The following RTN1 variants were observed in gnomAD, a reference collection of about 807,000 sequenced individuals.
RTN1 encodes reticulon-1.
RTN1 carries 25 observed loss-of-function variants against 65.5 expected under a neutral mutation model. The observed-to-expected ratio is 0.38, with a 90% CI of 0.28 to 0.53. The LOEUF is 0.53. Among genes scored for constraint, RTN1 ranks in the 20% least tolerant of loss-of-function variants. RTN1 has a pLI of 0.79. For synonymous variants in RTN1, 471 were observed against 447.6 expected, an observed-to-expected ratio of 1.05 and a Z score of -0.66; for missense variants, 983 against 1,025.4, an observed-to-expected ratio of 0.96 and a Z score of 0.57.
intron 3 of RTN1, among the ~76,000 whole-genome samples, chr14:59,684,967 T>C (rs556902484): frequency 1.3e-5 from 2 of 152,250 alleles, no homozygotes; most frequent in Admixed American, 1.3e-4. Flanking sequence ...TTTTAAAAAG[T>C]AACTTTATCC....
intron 5 of RTN1, 185 bp from the exon 6 acceptor site, chr14:59,604,106 A>G: frequency 2.4e-6 from 1 of 418,106 alleles, no homozygotes; most frequent in Non-Finnish European, 4.5e-6. Flanking sequence ...GTTCTCTTGG[A>G]ACTATTTGGA....
At chr14:59,671,465 C>T (rs1405601372) in intron 3 of RTN1, among the ~76,000 whole-genome samples, 1 of 152,174 alleles carries the variant, frequency 6.6e-6, no homozygotes, top group Non-Finnish European at 1.5e-5. Flanking sequence ...TACCAACAAT[C>T]GCACATATTA....
chr14:59,757,476 G>A (rs745795158), intron 1 of RTN1, among the ~76,000 whole-genome samples: 5 of 152,048 alleles, frequency 3.3e-5, no homozygotes, highest in African/African-American at 7.2e-5. Flanking sequence ...TTCGTCTTCC[G>A]CCATGATTGT....
At chr14:59,738,422 T>G (rs533377529) in intron 2 of RTN1, among the ~76,000 whole-genome samples, 5 of 152,292 alleles carry the variant, frequency 3.3e-5, no homozygotes, top group African/African-American at 1.2e-4. Flanking sequence ...CACTTATAAT[T>G]AGATAAATAT....
intron 4 of RTN1, chr14:59,605,765 GA>G: frequency 3.1e-6 from 1 of 326,682 alleles, no homozygotes; most frequent in East Asian, 5.2e-5. Context: ...TGGGTGGGCT[GA>G]AAATTCAGAG....
chr14:59,796,925 A>C (rs1162950793), intron 1 of RTN1, among the ~76,000 whole-genome samples: 1 of 152,206 alleles, frequency 6.6e-6, no homozygotes, highest in Non-Finnish European at 1.5e-5. Context: ...TGCCTCACAC[A>C]AAGTAGGGGT....
chr14:59,651,471 G>A (rs1293562338), intron 3 of RTN1, among the ~76,000 whole-genome samples: 3 of 152,042 alleles, frequency 2.0e-5, no homozygotes, highest in Admixed American at 1.3e-4. Context: ...CAAGACATAG[G>A]CATGGGGTCT....
At position 59,825,088 on chromosome 14, in the gene RTN1, T is replaced by C. The variant is rs1887007009; in HGVS notation, c.241+45302A>G. Among the ~76,000 whole-genome samples the C allele has an allele frequency of 6.6e-6, 1 of 152,248 alleles. No homozygotes were observed. The highest frequency in any genetic ancestry group is 2.4e-5 in the African/African-American group (1 of 41,466). ...TGTAAAGCATAGTGACTCCAGTTAATAATACTATAGCGTACACGTGAAATT... is the reference window on the plus strand; with the variant it reads ...TGTAAAGCATAGTGACTCCAGTTAACAATACTATAGCGTACACGTGAAATT... On this transcript the variant is annotated intron_variant, in intron 1 of 8. Coordinates refer to ENST00000267484, the MANE Select transcript of RTN1 (RefSeq NM_021136.3). The surrounding 1 kb of genome is among the most constrained non-coding windows in gnomAD (Gnocchi z 4.2).
intron 3 of RTN1, chr14:59,647,165 G>A (rs1033373851): frequency 6.6e-6 from 1 of 152,128 alleles, no homozygotes; most frequent in African/African-American, 2.4e-5. Context: ...CCCAATCTCA[G>A]ACAAACAGAC....
At chr14:59,701,625 T>A (rs562857275) in intron 3 of RTN1, among the ~76,000 whole-genome samples, 168 of 152,184 alleles carry the variant, frequency 1.1e-3, no homozygotes, top group African/African-American at 3.9e-3. Flanking sequence ...AAACTGTGTC[T>A]ATAATAGGCA....
At chr14:59,690,813 A>C (rs1883945296) in intron 3 of RTN1, among the ~76,000 whole-genome samples, 1 of 152,214 alleles carries the variant, frequency 6.6e-6, no homozygotes, top group African/African-American at 2.4e-5. Flanking sequence ...AACTGCATGG[A>C]AATTAAACAA....
At chr14:59,838,896 AATTTGTCTCTTCTTGT>A (rs1887262455) in intron 1 of RTN1, among the ~76,000 whole-genome samples, 1 of 152,138 alleles carries the variant, frequency 6.6e-6, no homozygotes, top group Non-Finnish European at 1.5e-5. Context: ...ATGTCCTATG[AATTTGTCTCTTCTTGT>A]TTTAAATATT....
At position 59,816,398 on chromosome 14, in the gene RTN1, T is replaced by C. The variant is rs531483371; in HGVS notation, c.241+53992A>G. On this transcript the variant is annotated intron_variant, in intron 1 of 8. Transcript: ENST00000267484. This position sits in a 1 kb window ranked among gnomAD's most constrained non-coding sequence, Gnocchi z 4.3. ...TTGACCATATGGTAACAAGGCTAAT[T>C]GCCTGCCTTCTCCAATCCTCGGAGA... Among the ~76,000 whole-genome samples the C allele has an allele frequency of 2.6e-4, 39 of 152,296 alleles. No individual in the cohort carries two copies. The highest frequency in any genetic ancestry group is 8.4e-4 in the African/African-American group (35 of 41,566).
chr14:59,823,168 T>G (rs1886972814), intron 1 of RTN1, among the ~76,000 whole-genome samples: 1 of 152,212 alleles, frequency 6.6e-6, no homozygotes, highest in Non-Finnish European at 1.5e-5. Context: ...TAAGAACCTG[T>G]CTTATGAATC....
chr14:59,772,737 T>G (rs1355045057), intron 1 of RTN1, among the ~76,000 whole-genome samples: 1 of 152,130 alleles, frequency 6.6e-6, no homozygotes, highest in Non-Finnish European at 1.5e-5. Context: ...CTTTATTGTT[T>G]AGCATCTAAG....
chr14:59,762,402 A>G (rs1885767604), intron 1 of RTN1, among the ~76,000 whole-genome samples: 1 of 152,214 alleles, frequency 6.6e-6, no homozygotes, highest in Admixed American at 6.5e-5. Flanking sequence ...ATGCTTTAAC[A>G]GTCTATAAGA....
At chr14:59,827,157 C>T (rs935031759) in intron 1 of RTN1, among the ~76,000 whole-genome samples, 1 of 152,124 alleles carries the variant, frequency 6.6e-6, no homozygotes, top group Admixed American at 6.5e-5. Flanking sequence ...CGGCTCACTG[C>T]GAGCTCTGTC....
intron 3 of RTN1, among the ~76,000 whole-genome samples, chr14:59,612,275 G>C (rs1282681426): frequency 6.6e-6 from 1 of 152,158 alleles, no homozygotes. Flanking sequence ...TAAAGTGGCT[G>C]GAACCCCACT....
intron 1 of RTN1, among the ~76,000 whole-genome samples, chr14:59,848,018 C>T (rs1382723112): frequency 6.6e-6 from 1 of 152,200 alleles, no homozygotes; most frequent in Non-Finnish European, 1.5e-5. Flanking sequence ...CTAAGCCCCA[C>T]TTCATTAGAG....
Sources: gnomAD v4.1 joint callset for allele counts (sites outside exome capture counted in the v4.1 genomes callset) on GRCh38, gnomAD v4.1.1 for gene constraint, Gnocchi (gnomAD v3.1) non-coding constraint, MANE v1.5 for transcripts, NCBI Gene and HGNC (gene_info 2026-07-23, HGNC 2026-07-21) for gene names.